Variants in TES observed in about 807,000 individuals in gnomAD.
The protein encoded by TES is testin LIM domain protein.
Under a neutral mutation model 48.2 loss-of-function variants are expected in TES, and 41 were observed. The ratio of observed to expected loss-of-function variants is 0.85; its 90% CI spans 0.66 to 1.10. The LOEUF (loss-of-function observed/expected upper bound fraction) is 1.10. TES is among the 50% of genes least tolerant of loss of function. The pLI is 0.00. For missense variants in TES, 463 were observed against 515.1 expected (o/e 0.90, Z 0.98); for synonymous variants, 162 against 174.9 (o/e 0.93, Z 0.58).
At chr7:116,255,462 G>A (rs1800085071) in intron 6 of TES, among the ~76,000 whole-genome samples, 1 of 152,180 alleles carries the variant, frequency 6.6e-6, no homozygotes. Context: ...GATTTTGAAT[G>A]AATGGTAATC....
At chr7:116,246,765 A>T (rs537470362) in intron 2 of TES, among the ~76,000 whole-genome samples, 1 of 152,128 alleles carries the variant, frequency 6.6e-6, no homozygotes, top group South Asian at 2.1e-4. Context: ...TCTCAACCTA[A>T]ATATCATCTT....
chr7:116,248,979 A>T, intron 2 of TES, 41 bp from the exon 3 acceptor site: 1 of 1,505,490 alleles, frequency 6.6e-7, no homozygotes, highest in Non-Finnish European at 8.9e-7. Context: ...AATATCAATT[A>T]GGTACAATTA....
At position 116,251,788 on chromosome 7, in the gene TES, A is replaced by G. The variant is rs1302736651; in HGVS notation, c.731A>G (p.Lys244Arg). 1 of 1,614,168 alleles carries G rather than the reference A, an allele frequency of 6.2e-7. No homozygotes were observed. The highest frequency in any genetic ancestry group is 2.2e-5 in the East Asian group (1 of 44,876). ...YSCYCCKLSM[K>R]EGDPAIYAER... is the part of the protein sequence containing the mutation. ...TGCTATTGCTGCAAACTGAGTATGA[A>G]AGAAGGTGACCCAGCCATCTATGCC... Residue 244 changes from lysine (K) to arginine (R), a missense_variant, in exon 5 of 7, where the codon AAA (lysine) becomes AGA (arginine). By Grantham distance (26) the Lys-to-Arg change is conservative. Transcript: ENST00000358204.
intron 1 of TES, among the ~76,000 whole-genome samples, chr7:116,232,351 T>C (rs10270066): frequency 0.12 from 18,029 of 152,242 alleles, 1,105 homozygotes; most frequent in Non-Finnish European, 0.13. Context: ...TTCCATGTTG[T>C]GAATTATATA....
intron 2 of TES, among the ~76,000 whole-genome samples, chr7:116,237,663 C>T (rs564642269): frequency 4.1e-4 from 62 of 152,284 alleles, no homozygotes; most frequent in African/African-American, 1.5e-3. Context: ...TTCAGGCTGC[C>T]ATAACAAAAT....
intron 1 of TES, among the ~76,000 whole-genome samples, chr7:116,225,482 T>C (rs964136077): frequency 6.6e-6 from 1 of 152,184 alleles, no homozygotes; most frequent in Non-Finnish European, 1.5e-5. Context: ...ATATATTTTA[T>C]TACAAAATAT....
intron 1 of TES, among the ~76,000 whole-genome samples, chr7:116,227,425 C>G (rs1338164408): frequency 6.6e-6 from 1 of 152,008 alleles, no homozygotes; most frequent in Non-Finnish European, 1.5e-5. Context: ...TCTGGCCAAC[C>G]TACACTTTTT....
intron 1 of TES, among the ~76,000 whole-genome samples, chr7:116,220,715 GTATCAGC>G (rs1374057526): frequency 6.6e-6 from 1 of 152,104 alleles, no homozygotes; most frequent in Non-Finnish European, 1.5e-5. Flanking sequence ...TTAAAGTTGG[GTATCAGC>G]TTTAGAACCC....
At chr7:116,239,366 G>C (rs923194701) in intron 2 of TES, 1 of 152,060 alleles carries the variant, frequency 6.6e-6, no homozygotes, top group African/African-American at 2.4e-5. Context: ...TAACACCAGG[G>C]GACAGAAGTC....
intron 6 of TES, chr7:116,255,181 T>C (rs4730720): frequency 0.33 from 49,609 of 152,024 alleles, 8,436 homozygotes; most frequent in East Asian, 0.58. Context: ...GTCAGATTCA[T>C]AGGACACTCC....
At chr7:116,230,271 C>G (rs1237797717) in intron 1 of TES, among the ~76,000 whole-genome samples, 1 of 152,166 alleles carries the variant, frequency 6.6e-6, no homozygotes, top group African/African-American at 2.4e-5. Flanking sequence ...TAAAAGTTCC[C>G]TCACACTTAG....
At chr7:116,226,222 C>G (rs1346539504) in intron 1 of TES, among the ~76,000 whole-genome samples, 2 of 152,200 alleles carry the variant, frequency 1.3e-5, no homozygotes, top group African/African-American at 4.8e-5. Context: ...ATCTCAGACA[C>G]TGGCAGGTAC....
intron 2 of TES, among the ~76,000 whole-genome samples, chr7:116,240,202 G>C: frequency 6.6e-6 from 1 of 152,096 alleles, no homozygotes; most frequent in South Asian, 2.1e-4. Context: ...TTAAATTATG[G>C]TTTGTAGCAA....
chr7:116,254,314 G>T (rs1348722785), intron 6 of TES, among the ~76,000 whole-genome samples: 1 of 133,980 alleles, frequency 7.5e-6, no homozygotes, highest in East Asian at 2.9e-4. Flanking sequence ...AGATGAAACT[G>T]CTTTTTTTTC....
chr7:116,219,529 A>T (rs1799531638), intron 1 of TES, among the ~76,000 whole-genome samples: 1 of 152,122 alleles, frequency 6.6e-6, no homozygotes, highest in Admixed American at 6.6e-5. Context: ...CCAGGTTTTC[A>T]TCCTTCTTAG....
At chr7:116,232,478 A>G (rs543822253) in intron 1 of TES, among the ~76,000 whole-genome samples, 1 of 152,254 alleles carries the variant, frequency 6.6e-6, no homozygotes, top group Non-Finnish European at 1.5e-5. Context: ...TGAACATAGT[A>G]TGAATCATAT....
chr7:116,232,201 A>G (rs887228330), intron 1 of TES, among the ~76,000 whole-genome samples: 2 of 152,208 alleles, frequency 1.3e-5, no homozygotes, highest in South Asian at 4.1e-4. Flanking sequence ...ATCTGAAGGC[A>G]TGCAAGAATT....
chr7:116,243,705 A>G (rs1351094379), intron 2 of TES: 1 of 152,210 alleles, frequency 6.6e-6, no homozygotes, highest in Non-Finnish European at 1.5e-5. Context: ...AATAAATTAT[A>G]TTCATTCTAC....
chr7:116,240,550 T>C (rs963330862), intron 2 of TES, among the ~76,000 whole-genome samples: 4 of 152,172 alleles, frequency 2.6e-5, no homozygotes, highest in African/African-American at 9.7e-5. Flanking sequence ...TAAATTCTTT[T>C]TGTACAAACA....
Sources: allele counts gnomAD v4.1 joint callset (sites outside exome capture counted in the v4.1 genomes callset), GRCh38; gene constraint gnomAD v4.1.1; transcripts MANE v1.5; gene names NCBI Gene and HGNC (gene_info 2026-07-23, HGNC 2026-07-21).